Variants in MMRN1 observed in about 807,000 individuals in gnomAD.
MMRN1 encodes the protein multimerin-1.
A neutral mutation model predicts 100.7 loss-of-function variants in MMRN1; 94 were observed. That is an observed-to-expected ratio of 0.93 (90% CI 0.79 to 1.11). The LOEUF (loss-of-function observed/expected upper bound fraction) is 1.11. Among genes scored for constraint, MMRN1 ranks in the 50% least tolerant of loss-of-function variants. The probability of loss-of-function intolerance (pLI) is 0.00; values close to 1 mark genes in which losing one functional copy is unlikely to be tolerated. For missense variants in MMRN1, 1,606 were observed against 1,439.1 expected, an observed-to-expected ratio of 1.12 and a Z score of -1.88; for synonymous variants, 575 against 505.0, an observed-to-expected ratio of 1.14 and a Z score of -1.86.
At chr4:89,938,927 G>A (rs1462943802) in intron 6 of MMRN1, among the ~76,000 whole-genome samples, 1 of 151,908 alleles carries the variant, frequency 6.6e-6, no homozygotes, top group Non-Finnish European at 1.5e-5. Flanking sequence ...TTCCTTTTAT[G>A]CCAGGCCGGG....
intron 3 of MMRN1, among the ~76,000 whole-genome samples, chr4:89,913,186 T>C (rs539472343): frequency 1.3e-5 from 2 of 151,376 alleles, no homozygotes; most frequent in East Asian, 1.9e-4. Flanking sequence ...CATATTTGTG[T>C]CTAGAATTGG....
rs150825966 is a variant in MMRN1 at position 89,915,473 on chromosome 4, G to T, written c.850+3423G>T. 6.6e-5 allele frequency among the ~76,000 whole-genome samples: 10 copies of T among 151,658 alleles called. No homozygotes were observed. The East Asian group carries it at 1.6e-3, about 24-fold the overall frequency. ...CTGTCTCCTCAAGCCACACAGGAAGGTTTTCTGGTTCTGAGTGAGAGAGAG... is the reference window on the plus strand; with the variant it reads ...CTGTCTCCTCAAGCCACACAGGAAGTTTTTCTGGTTCTGAGTGAGAGAGAG... On this transcript the variant is annotated intron_variant, in intron 3 of 7. Coordinates refer to ENST00000264790, the MANE Select transcript of MMRN1 (RefSeq NM_007351.3).
intron 4 of MMRN1, among the ~76,000 whole-genome samples, chr4:89,925,977 A>G (rs986434915): frequency 2.0e-5 from 3 of 152,174 alleles, no homozygotes; most frequent in African/African-American, 7.2e-5. Flanking sequence ...TTATGGCTGA[A>G]TAATACTCCA....
chr4:89,911,958 C>T lies in MMRN1; in HGVS notation c.758C>T (p.Ser253Phe). ...GSCPQRSQKI[S>F]NPVYRMQHKI... ...CAACTCTCTAGATCTCAGAAGATAT[C>T]CAATCCTGTCTATAGGATGCAACAT... Residue 253 changes from serine to phenylalanine, a missense_variant, in exon 3 of 8, where the codon TCC becomes TTC. Transcript: ENST00000264790. 1.3e-6 allele frequency: 2 copies of T among 1,597,122 alleles called. No homozygotes were observed. Among genetic ancestry groups the T allele is most frequent in the South Asian group, 1.1e-5 (1 of 89,702 alleles).
rs780686617 is a variant in MMRN1 at position 89,927,942 on chromosome 4, G to A, written c.1103G>A (p.Ser368Asn). ...SLEGKVSEDK[S>N]REFQSLLKGL... ...GAAGGAAAAGTCAGCGAAGATAAAA[G>A]CAGAGAATTTCAATCTCTTCTAAAA... Residue 368 changes from serine (S) to asparagine (N), a missense_variant, in exon 5 of 8, where the codon AGC becomes AAC. Coordinates refer to ENST00000264790, the MANE Select transcript of MMRN1 (RefSeq NM_007351.3). 2.5e-6 allele frequency: 4 copies of A among 1,598,698 alleles called. No individual in the cohort carries two copies. Among genetic ancestry groups the A allele is most frequent in the Middle Eastern group, 1.7e-4 (1 of 6,038 alleles).
At chr4:89,888,767 C>G (rs1720989720) in intron 1 of MMRN1, among the ~76,000 whole-genome samples, 1 of 152,026 alleles carries the variant, frequency 6.6e-6, no homozygotes, top group South Asian at 2.1e-4. Context: ...TGTCTTATTC[C>G]TGGCATTTTC....
intron 3 of MMRN1, among the ~76,000 whole-genome samples, chr4:89,919,221 T>C (rs959469716): frequency 8.6e-5 from 13 of 151,460 alleles, no homozygotes; most frequent in African/African-American, 2.9e-4. Context: ...TTTCTAAATA[T>C]TTTATTATTT....
chr4:89,951,562 G>C, intron 6 of MMRN1, 43 bp from the exon 7 acceptor site: 4 of 1,433,934 alleles, frequency 2.8e-6, no homozygotes, highest in Non-Finnish European at 3.7e-6. Context: ...CAGGAAAATA[G>C]GTCACTTTAT....
At chr4:89,949,494 G>T (rs1482801464) in intron 6 of MMRN1, among the ~76,000 whole-genome samples, 1 of 152,134 alleles carries the variant, frequency 6.6e-6, no homozygotes, top group South Asian at 2.1e-4. Flanking sequence ...GTAATGAAAA[G>T]TCATTGATGT....
chr4:89,887,154 C>T (rs562543857), intron 1 of MMRN1, among the ~76,000 whole-genome samples: 9 of 151,916 alleles, frequency 5.9e-5, no homozygotes, highest in South Asian at 2.1e-4. Flanking sequence ...CAGTTGAAGG[C>T]GACACAAAAA....
chr4:89,936,271 A>G lies in MMRN1; in HGVS notation c.2591A>G (p.Asp864Gly), dbSNP rs1352801585. Residue 864 changes from aspartate to glycine, a missense_variant, in exon 6 of 8, where the codon GAC becomes GGC. Coordinates refer to ENST00000264790, the MANE Select transcript of MMRN1 (RefSeq NM_007351.3). ...ISKNFETRLQ[D>G]IESKVTQTLI... is the part of the protein sequence containing the mutation. The stretch of plus-strand genomic sequence containing the variant: ...AAAAATTTTGAGACTCGGTTGCAAG[A>G]CATTGAGTCTAAAGTTACCCAGACG... 6.2e-7 allele frequency: 1 copy of G among 1,607,586 alleles called. No individual in the cohort carries two copies. The highest frequency in any genetic ancestry group is 8.5e-7 in the Non-Finnish European group (1 of 1,178,294).
chr4:89,882,757 C>G (rs573465772), intron 1 of MMRN1, among the ~76,000 whole-genome samples: 2 of 152,014 alleles, frequency 1.3e-5, no homozygotes, highest in South Asian at 4.1e-4. Flanking sequence ...ACTTTAAAAA[C>G]TTAATGTGTA....
Position 89,936,494 on chromosome 4 carries a change from G to A in MMRN1, c.2814G>A (p.Val938=). The A allele has an allele frequency of 6.2e-7, 1 of 1,613,238 alleles. No individual in the cohort carries two copies. The highest frequency in any genetic ancestry group is 8.5e-7 in the Non-Finnish European group (1 of 1,179,672). The stretch of plus-strand genomic sequence containing the variant: ...TGTGTCACAATGCTTCTACAAGTGT[G>A]TCAGAACTGAATGCTACCATCCCTA... The part of the protein sequence containing the change: ...LTMCHNASTS[V]SELNATIPKW... The change falls in exon 6 of 8, where the codon GTG becomes GTA. Residue 938 remains valine, a synonymous_variant. Transcript: ENST00000264790.
chr4:89,946,693 C>A lies in MMRN1; in HGVS notation c.3119-4912C>A, dbSNP rs1722995903. ...GACAAATATTAGGAATGACAGGGTG[C>A]TTTGAAAATGCAAGGTGCTCTCCAA... On this transcript the variant is annotated intron_variant, in intron 6 of 7. Coordinates refer to ENST00000264790, the MANE Select transcript of MMRN1 (RefSeq NM_007351.3). 2.0e-5 allele frequency among the ~76,000 whole-genome samples: 3 copies of A among 151,928 alleles called. No individual in the cohort carries two copies. The South Asian group carries it at 6.2e-4, about 32-fold the overall frequency.
intron 7 of MMRN1, among the ~76,000 whole-genome samples, chr4:89,952,134 G>C (rs1042527156): frequency 6.6e-6 from 1 of 152,038 alleles, no homozygotes; most frequent in African/African-American, 2.4e-5. Flanking sequence ...TGTCTGGTAT[G>C]GTCATTTAAA....
Position 89,935,811 on chromosome 4 carries a change from G to A in MMRN1, c.2131G>A (p.Asp711Asn). 1 of 1,613,292 alleles carries A rather than the reference G, an allele frequency of 6.2e-7. No individual in the cohort carries two copies. The change falls in exon 6 of 8, where the codon GAT (aspartate) becomes AAT (asparagine). Residue 711 changes from aspartate (D) to asparagine (N), a missense_variant. By Grantham distance (23) the Asp-to-Asn change is conservative. Transcript: ENST00000264790. ...LLRNEVQGRD[D>N]ALERRINEYA... is the part of the protein sequence containing the mutation. ...TAGAAATGAAGTACAGGGTCGTGAT[G>A]ATGCCTTAGAAAGACGTATCAATGA...
At chr4:89,946,967 G>A (rs574795879) in intron 6 of MMRN1, among the ~76,000 whole-genome samples, 1 of 152,170 alleles carries the variant, frequency 6.6e-6, no homozygotes, top group African/African-American at 2.4e-5. Context: ...AAGGTAAGGG[G>A]AGAAGTTGTG....
At chr4:89,944,812 A>C (rs1722937415) in intron 6 of MMRN1, among the ~76,000 whole-genome samples, 1 of 152,196 alleles carries the variant, frequency 6.6e-6, no homozygotes, top group South Asian at 2.1e-4. Context: ...GTGATTTTGA[A>C]ATCCAAGGTA....
intron 4 of MMRN1, among the ~76,000 whole-genome samples, chr4:89,927,245 A>G (rs1428998593): frequency 6.6e-6 from 1 of 152,036 alleles, no homozygotes; most frequent in Non-Finnish European, 1.5e-5. Context: ...ACATTTTAAC[A>G]ATATTTATTC....
Sources: gnomAD v4.1 joint callset for allele counts (sites outside exome capture counted in the v4.1 genomes callset) on GRCh38, gnomAD v4.1.1 for gene constraint, MANE v1.5 for transcripts, NCBI Gene and HGNC (gene_info 2026-07-23, HGNC 2026-07-21) for gene names.